Variants in PDZD2 observed in about 807,000 individuals in gnomAD.
The protein encoded by PDZD2 is PDZ domain containing 2.
In PDZD2, 90 loss-of-function variants were observed where a neutral mutation model predicts 220.7. That is an observed-to-expected ratio of 0.41 (90% CI 0.34 to 0.49). The LOEUF is 0.49. Ranked by LOEUF, PDZD2 falls within the 20% of genes least tolerant of loss-of-function variation. The pLI, the probability that PDZD2 is intolerant of heterozygous loss-of-function variation, is 0.28. For missense variants in PDZD2, 3,174 were observed against 3,608.5 expected, an observed-to-expected ratio of 0.88 and a Z score of 3.08; for synonymous variants, 1,375 against 1,450.5, an observed-to-expected ratio of 0.95 and a Z score of 1.18.
intron 6 of PDZD2, among the ~76,000 whole-genome samples, chr5:32,015,452 A>G (rs1753716246): frequency 1.3e-5 from 2 of 151,842 alleles, no homozygotes; most frequent in African/African-American, 4.8e-5. Context: ...GGGCGTCACT[A>G]TGTTGCCCAG....
chr5:32,047,673 T>A (rs990088767), intron 7 of PDZD2, among the ~76,000 whole-genome samples: 5 of 152,224 alleles, frequency 3.3e-5, no homozygotes, highest in African/African-American at 1.2e-4. Flanking sequence ...TTGCTGACCC[T>A]TGTTCTAGAT....
At chr5:31,820,317 A>G (rs1755760963) in intron 2 of PDZD2, among the ~76,000 whole-genome samples, 1 of 152,270 alleles carries the variant, frequency 6.6e-6, no homozygotes, top group Middle Eastern at 3.4e-3. Context: ...CTGAGGTCAC[A>G]TGACTTGAGG....
intron 3 of PDZD2, among the ~76,000 whole-genome samples, chr5:31,992,592 G>A (rs1000322786): frequency 6.6e-6 from 1 of 152,124 alleles, no homozygotes; most frequent in African/African-American, 2.4e-5. Flanking sequence ...TACATGTTTT[G>A]TTTAACAAAG....
rs377582775 is a variant in PDZD2, at chr5:31,960,775, GT to G, written c.477-22373del. Among the ~76,000 whole-genome samples the G allele has an allele frequency of 3.4e-4, 51 of 151,732 alleles. 1 individual carries two copies. The East Asian group carries it at 8.5e-3, about 25-fold the overall frequency. ...AAGCATTCTTCATATAATTAGTGTT[GT>G]TTTTTTCATTTACGTAATGTAAATT... is the stretch of plus-strand genomic sequence containing the variant. On this transcript the variant is annotated intron_variant, in intron 2 of 24. Coordinates refer to ENST00000438447, the MANE Select transcript of PDZD2 (RefSeq NM_178140.4).
intron 1 of PDZD2, among the ~76,000 whole-genome samples, chr5:31,662,776 C>T (rs890596212): frequency 6.6e-6 from 1 of 152,088 alleles, no homozygotes; most frequent in Non-Finnish European, 1.5e-5. Flanking sequence ...ACTACAGGCG[C>T]CCACCACCAC....
chr5:31,695,247 C>T (rs1747331325), intron 1 of PDZD2, among the ~76,000 whole-genome samples: 1 of 152,228 alleles, frequency 6.6e-6, no homozygotes, highest in Admixed American at 6.5e-5. Context: ...ACATTTTGGT[C>T]TGCCCGTTCC....
At chr5:31,892,514 G>C (rs1415259975) in intron 2 of PDZD2, among the ~76,000 whole-genome samples, 2 of 152,190 alleles carry the variant, frequency 1.3e-5, no homozygotes. Flanking sequence ...GGCATCTACT[G>C]TGTGCCAGGC....
intron 2 of PDZD2, among the ~76,000 whole-genome samples, chr5:31,850,863 C>T (rs1290739230): frequency 1.3e-5 from 2 of 152,012 alleles, no homozygotes; most frequent in African/African-American, 4.8e-5. Flanking sequence ...GTCTTGATCT[C>T]CTGACCTCGT....
chr5:31,923,466 C>A, intron 2 of PDZD2: 1 of 1,058,938 alleles, frequency 9.4e-7, no homozygotes. Context: ...TGTGATTTAC[C>A]TGGGATTTAA....
chr5:31,878,040 C>A (rs1255637214), intron 2 of PDZD2, among the ~76,000 whole-genome samples: 1 of 152,106 alleles, frequency 6.6e-6, no homozygotes, highest in Non-Finnish European at 1.5e-5. Context: ...AGGTCTAGTC[C>A]TAGTATTTTC....
chr5:31,855,023 C>A (rs1369668089), intron 2 of PDZD2: 1 of 985,148 alleles, frequency 1.0e-6, no homozygotes, highest in African/African-American at 1.7e-5. Flanking sequence ...GGCCCCCGGG[C>A]CGCCTGCAGG....
Position 32,011,028 on chromosome 5 carries a change from A to AC in PDZD2, c.1407+547dup, listed in dbSNP as rs1753275445. On this transcript the variant is annotated intron_variant, in intron 6 of 24. Coordinates refer to ENST00000438447, the MANE Select transcript of PDZD2 (RefSeq NM_178140.4). Reference sequence around the variant, plus strand: ...CCTCTCAAAAAAAAAAAAAACAACAACAACAACAACAACTGGATATTGAGT... The same window carrying AC: ...CCTCTCAAAAAAAAAAAAAACAACAACCAACAACAACAACTGGATATTGAGT... Among the ~76,000 whole-genome samples, 2 of 147,044 alleles carry AC rather than the reference A, an allele frequency of 1.4e-5. 1 individual carries two copies. Among genetic ancestry groups the AC allele is most frequent in the African/African-American group, 5.3e-5 (2 of 37,718 alleles).
intron 19 of PDZD2, among the ~76,000 whole-genome samples, chr5:32,086,537 C>T (rs984803855): frequency 3.3e-5 from 5 of 152,208 alleles, no homozygotes; most frequent in East Asian, 1.9e-4. Flanking sequence ...TTTCTTCTGC[C>T]GGCTAATCTG....
intron 2 of PDZD2, among the ~76,000 whole-genome samples, chr5:31,838,975 C>T (rs906577128): frequency 3.0e-4 from 46 of 152,204 alleles, no homozygotes; most frequent in Admixed American, 1.8e-3. Flanking sequence ...GGCATCTCAG[C>T]ACGTGTCCCT....
intron 10 of PDZD2, among the ~76,000 whole-genome samples, chr5:32,057,069 G>C (rs1739154266): frequency 6.6e-6 from 1 of 152,112 alleles, no homozygotes; most frequent in Admixed American, 6.5e-5. Context: ...ACTCTAGCCT[G>C]GGTGACTGAG....
intron 3 of PDZD2, among the ~76,000 whole-genome samples, chr5:31,986,721 C>T (rs538433850): frequency 3.4e-4 from 51 of 152,188 alleles, no homozygotes; most frequent in Non-Finnish European, 5.7e-4. Context: ...TTTTCCATTT[C>T]TGTCTTTATA....
chr5:31,967,234 A>G (rs960512905), intron 2 of PDZD2, among the ~76,000 whole-genome samples: 21 of 152,182 alleles, frequency 1.4e-4, no homozygotes, highest in Admixed American at 2.6e-4. Context: ...ACTGGAGGGT[A>G]CAGACATGCC....
intron 1 of PDZD2, among the ~76,000 whole-genome samples, chr5:31,703,936 T>C (rs1580590184): frequency 7.0e-6 from 1 of 142,172 alleles, no homozygotes; most frequent in East Asian, 2.3e-4. Flanking sequence ...CTCTCTCCTC[T>C]CTCTCTCTCT....
At chr5:31,825,540 T>G (rs555380680) in intron 2 of PDZD2, among the ~76,000 whole-genome samples, 1 of 152,256 alleles carries the variant, frequency 6.6e-6, no homozygotes, top group Non-Finnish European at 1.5e-5. Flanking sequence ...AATCAGACAG[T>G]CGGTCATGTT....
Sources: gnomAD v4.1 joint callset for allele counts (sites outside exome capture counted in the v4.1 genomes callset) on GRCh38, gnomAD v4.1.1 for gene constraint, MANE v1.5 for transcripts, NCBI Gene and HGNC (gene_info 2026-07-23, HGNC 2026-07-21) for gene names.